COL14A1: variants seen among roughly 807,000 people sequenced by gnomAD.
The protein encoded by COL14A1 is collagen type XIV alpha 1 chain.
A neutral mutation model predicts 230.3 loss-of-function variants in COL14A1; 136 were observed. That is an observed-to-expected ratio of 0.59 (90% CI 0.51 to 0.68). COL14A1 has a LOEUF of 0.68. Ranked by LOEUF, COL14A1 falls within the 30% of genes least tolerant of loss-of-function variation. The probability of loss-of-function intolerance (pLI) is 0.00; values close to 1 mark genes in which losing one functional copy is unlikely to be tolerated. For synonymous variants in COL14A1, 792 were observed against 784.1 expected (o/e 1.01, Z -0.17); for missense variants, 1,976 against 2,215.8 (o/e 0.89, Z 2.17).
chr8:120,252,241 C>T (rs547519521), intron 22 of COL14A1, among the ~76,000 whole-genome samples: 10 of 151,776 alleles, frequency 6.6e-5, no homozygotes, highest in African/African-American at 1.2e-4. Flanking sequence ...TTTGGTTACA[C>T]GGATAAATTC....
rs746416064 is a variant in COL14A1, at chr8:120,225,110, C to CA, written c.1760_1761insA (p.Phe588LeufsTer21). On this transcript the variant is annotated frameshift_variant, in exon 15 of 48. Coordinates refer to ENST00000297848, the MANE Select transcript of COL14A1 (RefSeq NM_021110.4). LOFTEE classifies it high-confidence loss of function. ...CAGGTTGAAGTCGATCCTATTACTACCTTCCCTCTGAAGGGCTTGACACCT... is the reference window on the plus strand; with the variant it reads ...CAGGTTGAAGTCGATCCTATTACTACACTTCCCTCTGAAGGGCTTGACACCT... The CA allele has an allele frequency of 6.2e-7, 1 of 1,611,990 alleles. No homozygotes were observed. Among genetic ancestry groups the CA allele is most frequent in the South Asian group, 1.1e-5 (1 of 90,916 alleles).
At position 120,216,784 on chromosome 8, in the gene COL14A1, T is replaced by A. The variant is rs4870724; in HGVS notation, c.1737+294T>A. Among the ~76,000 whole-genome samples the A allele has an allele frequency of 1.4e-3, 219 of 151,990 alleles. 3 individuals are homozygous for A. Among genetic ancestry groups the A allele is most frequent in the Middle Eastern group, 3.4e-3 (1 of 294 alleles). On this transcript the variant is annotated intron_variant, in intron 14 of 47. Coordinates refer to ENST00000297848, the MANE Select transcript of COL14A1 (RefSeq NM_021110.4). ...GGGAGCCTGGAACAGCTGGGAGCTG[T>A]AGCAGGTCTCCATATCTCTAATTAG...
At chr8:120,166,946 G>A (rs1239494436) in intron 4 of COL14A1, among the ~76,000 whole-genome samples, 2 of 149,752 alleles carry the variant, frequency 1.3e-5, no homozygotes, top group Non-Finnish European at 3.0e-5. Flanking sequence ...TGGTGGTGGG[G>A]GTGCTCCAAA....
At chr8:120,286,311 A>T (rs1175041118) in intron 33 of COL14A1, among the ~76,000 whole-genome samples, 1 of 152,180 alleles carries the variant, frequency 6.6e-6, no homozygotes, top group African/African-American at 2.4e-5. Context: ...TCTAGCTGGT[A>T]CAACTAGCTA....
At chr8:120,181,549 A>G (rs916417289) in intron 5 of COL14A1, among the ~76,000 whole-genome samples, 1 of 152,216 alleles carries the variant, frequency 6.6e-6, no homozygotes. Context: ...ATAAGTATAC[A>G]ATACATACAT....
intron 22 of COL14A1, among the ~76,000 whole-genome samples, chr8:120,252,990 AG>A (rs1819023554): frequency 6.6e-6 from 1 of 152,178 alleles, no homozygotes; most frequent in African/African-American, 2.4e-5. Flanking sequence ...CAACAGGCCT[AG>A]GAAGCCTTTG....
At chr8:120,237,634 C>T (rs1818487984) in intron 19 of COL14A1, among the ~76,000 whole-genome samples, 1 of 152,188 alleles carries the variant, frequency 6.6e-6, no homozygotes, top group Non-Finnish European at 1.5e-5. Context: ...ACTCATTCTC[C>T]TTCCAGTTTT....
Position 120,158,122 on chromosome 8 carries a change from C to T in COL14A1, c.89-8C>T, listed in dbSNP as rs1338284551. On this transcript the variant is annotated splice_region_variant and splice_polypyrimidine_tract_variant and intron_variant, in intron 2 of 47. Coordinates refer to ENST00000297848, the MANE Select transcript of COL14A1 (RefSeq NM_021110.4). Reference sequence around the variant, plus strand: ...AATGTTTACATCATTTTTGTTCTTCCTTTTCAGTGGCTCCACCCACAAGGT... The same window carrying T: ...AATGTTTACATCATTTTTGTTCTTCTTTTTCAGTGGCTCCACCCACAAGGT... The T allele has an allele frequency of 2.1e-6, 3 of 1,449,520 alleles. No homozygotes were observed. The highest frequency in any genetic ancestry group is 2.4e-5 in the East Asian group (1 of 42,326). 89.8% of individuals were successfully genotyped at this position (1,449,520 alleles called of 1,614,324 possible). A position where few individuals can be genotyped will look rare whatever the true frequency, so the allele number is the denominator to read the frequency against.
At chr8:120,180,619 A>G (rs1816429619) in intron 5 of COL14A1, among the ~76,000 whole-genome samples, 1 of 151,416 alleles carries the variant, frequency 6.6e-6, no homozygotes, top group African/African-American at 2.4e-5. Context: ...GGGTTCCTAC[A>G]ATGGCAATGA....
chr8:120,138,695 G>A (rs903673956), intron 1 of COL14A1, among the ~76,000 whole-genome samples: 16 of 152,190 alleles, frequency 1.1e-4, no homozygotes, highest in Admixed American at 1.3e-4. Flanking sequence ...AGTAGATCTC[G>A]TTAGCTAATC....
intron 34 of COL14A1, among the ~76,000 whole-genome samples, chr8:120,290,054 A>C (rs1820327231): frequency 6.6e-6 from 1 of 152,188 alleles, no homozygotes; most frequent in African/African-American, 2.4e-5. Context: ...TGCATTTTAA[A>C]ATTTAAATAG....
At chr8:120,354,666 C>G (rs1459720834) in intron 45 of COL14A1, among the ~76,000 whole-genome samples, 2 of 152,108 alleles carry the variant, frequency 1.3e-5, no homozygotes, top group African/African-American at 4.8e-5. Flanking sequence ...TTGTGTGGAA[C>G]AGTTTTTAGC....
At chr8:120,128,340 A>G (rs572471890) in intron 1 of COL14A1, among the ~76,000 whole-genome samples, 1 of 152,182 alleles carries the variant, frequency 6.6e-6, no homozygotes, top group African/African-American at 2.4e-5. Flanking sequence ...TAAGTCTCCC[A>G]GTTACTTGGG....
intron 40 of COL14A1, among the ~76,000 whole-genome samples, chr8:120,323,659 T>C (rs1487542797): frequency 6.6e-6 from 1 of 152,196 alleles, no homozygotes; most frequent in Non-Finnish European, 1.5e-5. Context: ...CCCAGAACCA[T>C]TTATTGAATA....
chr8:120,187,717 A>C (rs1816691582), intron 5 of COL14A1, among the ~76,000 whole-genome samples: 1 of 152,250 alleles, frequency 6.6e-6, no homozygotes, highest in African/African-American at 2.4e-5. Context: ...ATGGAAAAAC[A>C]TTCTAGACAA....
At chr8:120,193,725 T>G (rs1005209210) in intron 5 of COL14A1, among the ~76,000 whole-genome samples, 1 of 152,208 alleles carries the variant, frequency 6.6e-6, no homozygotes, top group African/African-American at 2.4e-5. Context: ...CCCGGCTGGT[T>G]TGGTTACCTA....
intron 40 of COL14A1, among the ~76,000 whole-genome samples, chr8:120,316,414 CA>C (rs1409295869): frequency 6.6e-6 from 1 of 152,112 alleles, no homozygotes; most frequent in Admixed American, 6.6e-5. Context: ...TATTTAATAT[CA>C]TTCAATTATT....
intron 31 of COL14A1, among the ~76,000 whole-genome samples, 165 bp from the exon 32 acceptor site, chr8:120,283,471 A>G (rs1820101742): frequency 6.6e-6 from 1 of 152,214 alleles, no homozygotes; most frequent in East Asian, 1.9e-4. Context: ...GGACAAATGC[A>G]CACATTCTTT....
At chr8:120,350,281 C>T (rs915796876) in intron 45 of COL14A1, among the ~76,000 whole-genome samples, 52 of 151,498 alleles carry the variant, frequency 3.4e-4, no homozygotes, top group Non-Finnish European at 6.2e-4. Flanking sequence ...GCTGCAAAAT[C>T]ATGCCAAAAT....
Sources: allele counts gnomAD v4.1 joint callset (sites outside exome capture counted in the v4.1 genomes callset), GRCh38; gene constraint gnomAD v4.1.1; transcripts MANE v1.5; gene names NCBI Gene and HGNC (gene_info 2026-07-23, HGNC 2026-07-21).